The following PCDHA3 variants were observed in gnomAD, a reference collection of about 807,000 sequenced individuals.
The protein encoded by PCDHA3 is protocadherin alpha-3.
Under a neutral mutation model 62.2 loss-of-function variants are expected in PCDHA3, and 41 were observed. The observed-to-expected ratio is 0.66, with a 90% confidence interval of 0.51 to 0.86. The LOEUF (loss-of-function observed/expected upper bound fraction) is 0.86, where lower values mean the gene tolerates loss of function less well. PCDHA3 is among the 40% of genes least tolerant of loss of function. The pLI is 0.00. For synonymous variants in PCDHA3, 640 were observed against 555.4 expected (o/e 1.15, Z -2.14); for missense variants, 1,304 against 1,241.2 (o/e 1.05, Z -0.76).
intron 1 of PCDHA3, among the ~76,000 whole-genome samples, chr5:140,948,708 C>A (rs1376587735): frequency 6.6e-6 from 1 of 151,114 alleles, no homozygotes; most frequent in Non-Finnish European, 1.5e-5. Flanking sequence ...TGTGTTCTAT[C>A]CTCTTTTTTA....
At chr5:140,927,946 G>T (rs1341193072) in intron 1 of PCDHA3, 1 of 1,614,096 alleles carries the variant, frequency 6.2e-7, no homozygotes, top group African/African-American at 1.3e-5. Context: ...AGTACCTGAG[G>T]ACGCTGCCCC....
intron 1 of PCDHA3, among the ~76,000 whole-genome samples, chr5:140,896,083 T>G (rs1202809868): frequency 6.6e-6 from 1 of 152,184 alleles, no homozygotes; most frequent in African/African-American, 2.4e-5. Context: ...CATGCTGGGA[T>G]TACAGGCGTG....
intron 1 of PCDHA3, chr5:140,834,286 C>A: frequency 2.6e-6 from 3 of 1,172,442 alleles, no homozygotes; most frequent in Non-Finnish European, 2.4e-6. Flanking sequence ...GGATGCACAA[C>A]AATGGCCACA....
At chr5:140,961,214 A>C (rs1406613180) in intron 1 of PCDHA3, among the ~76,000 whole-genome samples, 4 of 152,288 alleles carry the variant, frequency 2.6e-5, no homozygotes, top group East Asian at 3.9e-4. Context: ...ATTGATGAAG[A>C]AACTGGGTCC....
rs955217729 is a variant in PCDHA3 at position 140,843,931 on chromosome 5, A to T, written c.2394+40340A>T. The T allele has an allele frequency of 6.9e-6, 4 of 582,802 alleles. 1 individual carries two copies. Among genetic ancestry groups the T allele is most frequent in the Non-Finnish European group, 1.2e-5 (4 of 332,650 alleles). The allele number at this position is 582,802 out of a possible 1,614,324, so 36.1% of individuals were successfully genotyped here. Reference sequence around the variant, plus strand: ...TTGGGTCTATCTTGAAACTCAAGTTATGGTTGGATGATATCCATTTTTTAC... The same window carrying T: ...TTGGGTCTATCTTGAAACTCAAGTTTTGGTTGGATGATATCCATTTTTTAC... On this transcript the variant is annotated intron_variant, in intron 1 of 3. Coordinates refer to ENST00000522353, the MANE Select transcript of PCDHA3 (RefSeq NM_018906.3).
At chr5:140,850,208 G>T (rs2150473240) in intron 1 of PCDHA3, 1 of 1,593,570 alleles carries the variant, frequency 6.3e-7, no homozygotes, top group Non-Finnish European at 8.6e-7. Flanking sequence ...CTCGGATGAG[G>T]GGCACTGACG....
intron 1 of PCDHA3, chr5:140,866,649 T>C (rs1554160460): frequency 6.6e-6 from 1 of 152,162 alleles, no homozygotes; most frequent in South Asian, 2.1e-4. Context: ...AAAATTTATT[T>C]ATGTGTTTTC....
chr5:140,880,810 T>C (rs552209492), intron 1 of PCDHA3, among the ~76,000 whole-genome samples: 90 of 152,330 alleles, frequency 5.9e-4, no homozygotes, highest in Non-Finnish European at 1.1e-3. Flanking sequence ...TGAATGACTC[T>C]AGAGTGTCTG....
chr5:140,989,925 T>G (rs2097366658), intron 3 of PCDHA3, among the ~76,000 whole-genome samples: 1 of 151,810 alleles, frequency 6.6e-6, no homozygotes, highest in South Asian at 2.1e-4. Context: ...AGAGCAGAGA[T>G]AGATGACATT....
chr5:140,830,593 A>G lies in PCDHA3; in HGVS notation c.2394+27002A>G, dbSNP rs1771152792. 4.2e-6 allele frequency: 3 copies of G among 705,892 alleles called. No individual in the cohort carries two copies. The South Asian group carries it at 1.3e-4, about 30-fold the overall frequency. The allele number at this position is 705,892 out of a possible 1,614,324, so 43.7% of individuals were successfully genotyped here. A position where few individuals can be genotyped will look rare whatever the true frequency, so the allele number is the denominator to read the frequency against. ...TTTTTAATTTTTAATTAATTTTACA[A>G]AATTACATATTTTCATTTTATTGTG... On this transcript the variant is annotated intron_variant, in intron 1 of 3. Coordinates refer to ENST00000522353, the MANE Select transcript of PCDHA3 (RefSeq NM_018906.3).
At chr5:140,969,253 C>T in intron 1 of PCDHA3, 3 of 1,614,202 alleles carry the variant, frequency 1.9e-6, no homozygotes, top group Non-Finnish European at 2.5e-6. Flanking sequence ...TGACTGACAG[C>T]AGGAATCTCA....
At chr5:140,967,710 G>A (rs868978149) in intron 1 of PCDHA3, 1 of 1,614,182 alleles carries the variant, frequency 6.2e-7, no homozygotes, top group Non-Finnish European at 8.5e-7. Flanking sequence ...GCCAGTACCG[G>A]GGAAGTGCGA....
intron 1 of PCDHA3, among the ~76,000 whole-genome samples, chr5:140,960,335 G>T (rs1362472967): frequency 1.3e-5 from 2 of 152,148 alleles, no homozygotes; most frequent in African/African-American, 4.8e-5. Context: ...AGAAGTACAT[G>T]AGGTGAGATA....
chr5:140,968,918 A>G, intron 1 of PCDHA3: 1 of 1,614,164 alleles, frequency 6.2e-7, no homozygotes, highest in Non-Finnish European at 8.5e-7. Context: ...AGTGTCTTTT[A>G]TATTTCTTTT....
At position 140,835,704 on chromosome 5, in the gene PCDHA3, G is replaced by T. The variant is rs2150242538; in HGVS notation, c.2394+32113G>T. 4 of 1,613,774 alleles carry T rather than the reference G, an allele frequency of 2.5e-6. No homozygotes were observed. The Admixed American group carries it at 6.7e-5, about 27-fold the overall frequency. Reference sequence around the variant, plus strand: ...GCCTTCTCTGTGGGCCACTGCTAGCGTGTCCGTGGAGGTGGCCGACGTGAA... The same window carrying T: ...GCCTTCTCTGTGGGCCACTGCTAGCTTGTCCGTGGAGGTGGCCGACGTGAA... On this transcript the variant is annotated intron_variant, in intron 1 of 3. Coordinates refer to ENST00000522353, the MANE Select transcript of PCDHA3 (RefSeq NM_018906.3).
chr5:140,920,927 A>G (rs1350465462), intron 1 of PCDHA3, among the ~76,000 whole-genome samples: 1 of 151,716 alleles, frequency 6.6e-6, no homozygotes, highest in East Asian at 1.9e-4. Context: ...AGAGTAGGTG[A>G]TCTAGCCCTT....
In PCDHA3 at chr5:140,869,909, G is replaced by A. The variant is rs781996593; in HGVS notation, c.2394+66318G>A. ...GTGCTCAAACTAAACGCCACAGACCGAGACGAAGGAGTCAATGGAGAGGTA... is the reference window on the plus strand; with the variant it reads ...GTGCTCAAACTAAACGCCACAGACCAAGACGAAGGAGTCAATGGAGAGGTA... On this transcript the variant is annotated intron_variant, in intron 1 of 3. Transcript: ENST00000522353. 2.6e-5 allele frequency: 42 copies of A among 1,610,632 alleles called. No individual in the cohort carries two copies. Among genetic ancestry groups the A allele is most frequent in the Non-Finnish European group, 3.1e-5 (36 of 1,178,298 alleles).
intron 1 of PCDHA3, among the ~76,000 whole-genome samples, chr5:140,897,837 C>A: frequency 6.6e-6 from 1 of 152,116 alleles, no homozygotes; most frequent in African/African-American, 2.4e-5. Context: ...TCTCCACATC[C>A]TCTCCAGCAC....
At chr5:140,868,550 T>A (rs2050522684) in intron 1 of PCDHA3, 1 of 152,704 alleles carries the variant, frequency 6.5e-6, no homozygotes, top group South Asian at 2.1e-4. Flanking sequence ...AATTTGATAG[T>A]ATTTTTATAT....
Sources: allele counts gnomAD v4.1 joint callset (sites outside exome capture counted in the v4.1 genomes callset), GRCh38; gene constraint gnomAD v4.1.1; transcripts MANE v1.5; gene names NCBI Gene and HGNC (gene_info 2026-07-23, HGNC 2026-07-21).